Variants in FMN2 observed in about 807,000 individuals in gnomAD.
FMN2 encodes formin-2.
A neutral mutation model predicts 142.3 loss-of-function variants in FMN2; 51 were observed. The ratio of observed to expected loss-of-function variants is 0.36; its 90% confidence interval spans 0.29 to 0.45. The LOEUF is 0.45. Among genes scored for constraint, FMN2 ranks in the 20% least tolerant of loss-of-function variants. The pLI, the probability that FMN2 is intolerant of heterozygous loss-of-function variation, is 1.00. For missense variants in FMN2, 1,936 were observed against 2,122.8 expected, an observed-to-expected ratio of 0.91 and a Z score of 1.73; for synonymous variants, 882 against 869.8, an observed-to-expected ratio of 1.01 and a Z score of -0.25.
In FMN2 at chr1:240,413,120, C is replaced by CAAAAAAAAA. The variant is rs35590068; in HGVS notation, c.4910+20579_4910+20587dup. On this transcript the variant is annotated intron_variant, in intron 15 of 17. Coordinates refer to ENST00000319653, the MANE Select transcript of FMN2 (RefSeq NM_020066.5). ...CCTGGGCGACAAAGCGAGACTCTGT[C>CAAAAAAAAA]AAAAAAAAAAAAAAAAAAAAAAAAA... is the stretch of plus-strand genomic sequence containing the variant. Among the ~76,000 whole-genome samples, 116 of 24,582 alleles carry CAAAAAAAAA rather than the reference C, an allele frequency of 4.7e-3. 6 individuals are homozygous for CAAAAAAAAA. Among genetic ancestry groups the CAAAAAAAAA allele is most frequent in the Non-Finnish European group, 6.5e-3 (84 of 12,880 alleles). 16.1% of individuals were successfully genotyped at this position (24,582 alleles called of 152,430 possible). A position where few individuals can be genotyped will look rare whatever the true frequency, so the allele number is the denominator to read the frequency against.
chr1:240,150,161 T>C (rs1327834226), intron 2 of FMN2, among the ~76,000 whole-genome samples: 1 of 152,250 alleles, frequency 6.6e-6, no homozygotes, highest in Non-Finnish European at 1.5e-5. Context: ...TGATTAACCC[T>C]TATTGAAATA....
intron 4 of FMN2, among the ~76,000 whole-genome samples, chr1:240,195,107 A>T (rs1427747892): frequency 6.6e-6 from 1 of 152,042 alleles, no homozygotes; most frequent in Non-Finnish European, 1.5e-5. Context: ...TTATTCTTGG[A>T]TTTGCATGTA....
At chr1:240,445,170 G>A (rs1401189356) in intron 16 of FMN2, among the ~76,000 whole-genome samples, 2 of 152,186 alleles carry the variant, frequency 1.3e-5, no homozygotes, top group African/African-American at 2.4e-5. Context: ...TCATGAATTG[G>A]AGTAACGCAT....
At chr1:240,142,918 G>C in intron 2 of FMN2, 1 of 1,605,366 alleles carries the variant, frequency 6.2e-7, no homozygotes, top group East Asian at 2.2e-5. Context: ...ATTCGGGGCC[G>C]CATGGCAGCC....
chr1:240,092,991 G>T lies in FMN2; in HGVS notation c.882G>T (p.Pro294=), dbSNP rs1308288027. 4 of 1,401,888 alleles carry T rather than the reference G, an allele frequency of 2.9e-6. No homozygotes were observed. Among genetic ancestry groups the T allele is most frequent in the Non-Finnish European group, 3.7e-6 (4 of 1,087,202 alleles). 86.8% of individuals were successfully genotyped at this position (1,401,888 alleles called of 1,614,324 possible). A position where few individuals can be genotyped will look rare whatever the true frequency, so the allele number is the denominator to read the frequency against. The change falls in exon 1 of 18, where the codon CCG becomes CCT. Residue 294 remains proline (P), a synonymous_variant. Transcript: ENST00000319653. ...AGCCCCGGGAGCCCCAGCAACCGCC[G>T]TCCCCCGGCGGCCTCCCGGTCTCCG... The part of the protein sequence containing the change: ...AAEPREPQQP[P]SPGGLPVSEA...
intron 2 of FMN2, among the ~76,000 whole-genome samples, chr1:240,123,920 G>T (rs1244789107): frequency 6.6e-6 from 1 of 152,188 alleles, no homozygotes; most frequent in Non-Finnish European, 1.5e-5. Flanking sequence ...GAATTATACA[G>T]TATTTGTCCT....
chr1:240,431,687 T>C (rs565223111), intron 15 of FMN2, among the ~76,000 whole-genome samples: 1 of 151,542 alleles, frequency 6.6e-6, no homozygotes, highest in East Asian at 1.9e-4. Context: ...AATAAACTGG[T>C]GTTGATTTTT....
chr1:240,242,012 A>AT, intron 6 of FMN2, among the ~76,000 whole-genome samples: 1 of 150,960 alleles, frequency 6.6e-6, no homozygotes, highest in East Asian at 2.0e-4. Flanking sequence ...CGCCCGGCTA[A>AT]TTTTTTGTAT....
chr1:240,269,523 T>C (rs1042705649), intron 7 of FMN2, among the ~76,000 whole-genome samples: 14 of 152,192 alleles, frequency 9.2e-5, no homozygotes, highest in African/African-American at 3.4e-4. Context: ...CTTTGGCTAT[T>C]TGGTTTTTTT....
At position 240,440,994 on chromosome 1, in the gene FMN2, CTTTTT is replaced by C. The variant is rs11358093; in HGVS notation, c.5060+2799_5060+2803del. 8.7e-3 allele frequency among the ~76,000 whole-genome samples: 1,114 copies of C among 127,514 alleles called. 12 individuals are homozygous for C. The highest frequency in any genetic ancestry group is 0.03 in the African/African-American group (1,012 of 34,174). 83.7% of individuals were successfully genotyped at this position (127,514 alleles called of 152,430 possible). On this transcript the variant is annotated intron_variant, in intron 16 of 17. Coordinates refer to ENST00000319653, the MANE Select transcript of FMN2 (RefSeq NM_020066.5). ...CACCTATGCCCTGCTTTGGTGTAAA[CTTTTT>C]TTTTTTTTTTTTTTGAGACATAGTC...
intron 7 of FMN2, among the ~76,000 whole-genome samples, chr1:240,271,492 A>G (rs569189843): frequency 6.7e-6 from 1 of 149,646 alleles, no homozygotes; most frequent in South Asian, 2.1e-4. Flanking sequence ...ATTTTTTTAA[A>G]CCTTTTTTTT....
At chr1:240,331,406 TCA>T (rs1387080931) in intron 11 of FMN2, among the ~76,000 whole-genome samples, 5 of 151,976 alleles carry the variant, frequency 3.3e-5, no homozygotes, top group African/African-American at 1.2e-4. Context: ...ATGGTTAGAG[TCA>T]CAGACTCAAG....
At chr1:240,324,974 T>A (rs1355953492) in intron 8 of FMN2, among the ~76,000 whole-genome samples, 2 of 152,134 alleles carry the variant, frequency 1.3e-5, no homozygotes, top group Non-Finnish European at 2.9e-5. Flanking sequence ...TTAAGATGAT[T>A]AATGTTTCAA....
chr1:240,274,343 A>G (rs1157244939), intron 7 of FMN2, among the ~76,000 whole-genome samples: 1 of 152,110 alleles, frequency 6.6e-6, no homozygotes, highest in East Asian at 1.9e-4. Context: ...CCTTGTAAAT[A>G]TCTGAGGAAA....
chr1:240,336,687 G>A (rs1465856568), intron 13 of FMN2, among the ~76,000 whole-genome samples: 1 of 151,724 alleles, frequency 6.6e-6, no homozygotes, highest in Non-Finnish European at 1.5e-5. Flanking sequence ...CAAGGCTGGT[G>A]TACTGTGTTA....
intron 5 of FMN2, 102 bp from the exon 6 acceptor site, chr1:240,210,989 T>C: frequency 9.5e-7 from 1 of 1,047,732 alleles, no homozygotes; most frequent in African/African-American, 1.6e-5. Flanking sequence ...CCTCCTTCCC[T>C]CCTGCTGGCC....
At chr1:240,156,258 A>G (rs887665937) in intron 2 of FMN2, among the ~76,000 whole-genome samples, 10 of 152,252 alleles carry the variant, frequency 6.6e-5, no homozygotes, top group African/African-American at 2.2e-4. Flanking sequence ...AACAACAACA[A>G]CAGCAAGAAG....
chr1:240,345,884 G>T (rs1671893945), intron 13 of FMN2, among the ~76,000 whole-genome samples: 1 of 152,050 alleles, frequency 6.6e-6, no homozygotes, highest in Non-Finnish European at 1.5e-5. Flanking sequence ...AATAAAAATG[G>T]CATTCATATT....
At chr1:240,281,233 T>C (rs1312350104) in intron 7 of FMN2, among the ~76,000 whole-genome samples, 1 of 152,156 alleles carries the variant, frequency 6.6e-6, no homozygotes, top group Non-Finnish European at 1.5e-5. Flanking sequence ...CCTTTCTTTA[T>C]GTAGCCTGAG....
Sources: gnomAD v4.1 joint callset for allele counts (sites outside exome capture counted in the v4.1 genomes callset) on GRCh38, gnomAD v4.1.1 for gene constraint, MANE v1.5 for transcripts, NCBI Gene and HGNC (gene_info 2026-07-23, HGNC 2026-07-21) for gene names.